Variants in PLCG2 observed in about 807,000 individuals in gnomAD.
PLCG2 encodes the protein phospholipase C gamma 2.
In PLCG2, 69 loss-of-function variants were observed where a neutral mutation model predicts 175.6. The ratio of observed to expected loss-of-function variants is 0.39; its 90% CI spans 0.32 to 0.48. PLCG2 has a LOEUF of 0.48. PLCG2 is among the 20% of genes least tolerant of loss of function. PLCG2 has a pLI of 0.91. For synonymous variants in PLCG2, 827 were observed against 624.0 expected, an observed-to-expected ratio of 1.33 and a Z score of -4.85; for missense variants, 1,798 against 1,650.9, an observed-to-expected ratio of 1.09 and a Z score of -1.54.
chr16:81,898,713 C>T (rs1909005399), intron 13 of PLCG2: 1 of 151,908 alleles, frequency 6.6e-6, no homozygotes, highest in African/African-American at 2.4e-5. Context: ...TCTTGGATAA[C>T]TGGGGAAATT....
intron 22 of PLCG2, among the ~76,000 whole-genome samples, chr16:81,926,846 A>G (rs968961499): frequency 6.6e-6 from 1 of 152,336 alleles, no homozygotes; most frequent in East Asian, 1.9e-4. Flanking sequence ...TTGATTAAAC[A>G]TTAAGATCAT....
intron 5 of PLCG2, among the ~76,000 whole-genome samples, chr16:81,864,126 C>A (rs951291777): frequency 6.6e-6 from 1 of 152,140 alleles, no homozygotes; most frequent in Non-Finnish European, 1.5e-5. Context: ...GCACCGGAAT[C>A]CCCTGGAGGA....
intron 5 of PLCG2, among the ~76,000 whole-genome samples, chr16:81,867,568 G>C (rs1032787810): frequency 6.6e-6 from 1 of 151,674 alleles, no homozygotes. Flanking sequence ...AGGTGAATGT[G>C]CATATAAGGC....
intron 9 of PLCG2, among the ~76,000 whole-genome samples, chr16:81,884,343 T>G (rs1555516141): frequency 6.6e-6 from 1 of 150,738 alleles, no homozygotes; most frequent in Non-Finnish European, 1.5e-5. Flanking sequence ...AGAGCAAGAC[T>G]CCGTCTCAGA....
At chr16:81,778,506 G>T (rs951708143), upstream of PLCG2, among the ~76,000 whole-genome samples, 2 of 152,204 alleles carry the variant, frequency 1.3e-5, no homozygotes, top group African/African-American at 4.8e-5. Context: ...GTTTGAATCA[G>T]ATAGCTTCAT....
rs187116990 is a variant in PLCG2, at chr16:81,912,678, G to A, written c.2016G>A (p.Arg672=). ...CCCGGGACGGGGCCTTCCTGATCCG[G>A]AAGCGAGAGGGGAGCGACTCCTATG... ...RIPRDGAFLI[R]KREGSDSYAI... The change falls in exon 19 of 33, where the codon CGG becomes CGA. Residue 672 remains arginine, a synonymous_variant. Coordinates refer to ENST00000564138, the MANE Select transcript of PLCG2 (RefSeq NM_002661.5). 1 of 1,612,576 alleles carries A rather than the reference G, an allele frequency of 6.2e-7. No individual in the cohort carries two copies. The highest frequency in any genetic ancestry group is 2.2e-5 in the East Asian group (1 of 44,848).
At chr16:81,877,985 T>C (rs1430500612) in intron 7 of PLCG2, among the ~76,000 whole-genome samples, 2 of 127,778 alleles carry the variant, frequency 1.6e-5, no homozygotes, top group African/African-American at 5.9e-5. Context: ...TTTTTTTTTT[T>C]TTTTTTTTTT....
At chr16:81,852,541 G>A (rs920304351) in intron 2 of PLCG2, among the ~76,000 whole-genome samples, 2 of 152,252 alleles carry the variant, frequency 1.3e-5, no homozygotes, top group African/African-American at 4.8e-5. Context: ...TCTTGTAGGG[G>A]GAAGGAGGAG....
intron 19 of PLCG2, among the ~76,000 whole-genome samples, chr16:81,914,627 C>G (rs1180474267): frequency 6.6e-6 from 1 of 152,164 alleles, no homozygotes; most frequent in Non-Finnish European, 1.5e-5. Context: ...TGTGCCGGGC[C>G]CTGTGCTGGG....
chr16:81,814,694 C>CA (rs1184638310), intron 2 of PLCG2, among the ~76,000 whole-genome samples: 98 of 150,362 alleles, frequency 6.5e-4, no homozygotes, highest in African/African-American at 2.3e-3. Context: ...GACTCTGTCT[C>CA]AAAAGAAAAA....
chr16:81,777,558 C>G (rs1910449645), upstream of PLCG2, among the ~76,000 whole-genome samples: 1 of 151,754 alleles, frequency 6.6e-6, no homozygotes, highest in African/African-American at 2.4e-5. Context: ...TCCAAGATCT[C>G]TTTAAAAAAT....
chr16:81,928,458 C>A, intron 23 of PLCG2, 100 bp from the exon 24 acceptor site: 4 of 775,072 alleles, frequency 5.2e-6, no homozygotes, highest in Non-Finnish European at 9.4e-6. Context: ...TTAAACAGTT[C>A]CACAGGCAGT....
chr16:81,787,000 A>G (rs1911000241), intron 2 of PLCG2, among the ~76,000 whole-genome samples: 1 of 152,034 alleles, frequency 6.6e-6, no homozygotes, highest in Non-Finnish European at 1.5e-5. Flanking sequence ...ACAATTGGGA[A>G]CTCTTGTACA....
intron 18 of PLCG2, among the ~76,000 whole-genome samples, chr16:81,911,437 G>A (rs1035566786): frequency 3.3e-5 from 5 of 152,054 alleles, no homozygotes; most frequent in African/African-American, 1.2e-4. Flanking sequence ...TTGGGTGGAT[G>A]AAGATGAATC....
chr16:81,832,653 C>G (rs1394338373), intron 2 of PLCG2, among the ~76,000 whole-genome samples: 1 of 152,260 alleles, frequency 6.6e-6, no homozygotes, highest in Non-Finnish European at 1.5e-5. Flanking sequence ...ATTCTCCTGC[C>G]TCAGCCTCCC....
chr16:81,943,545 C>T (rs1190075034), intron 30 of PLCG2, among the ~76,000 whole-genome samples: 1 of 152,150 alleles, frequency 6.6e-6, no homozygotes, highest in African/African-American at 2.4e-5. Flanking sequence ...TGGGTGGGGA[C>T]ACAGAGCCAA....
intron 2 of PLCG2, among the ~76,000 whole-genome samples, chr16:81,772,478 C>T (rs887128647): frequency 6.6e-5 from 10 of 151,774 alleles, no homozygotes; most frequent in South Asian, 2.1e-4. Context: ...AGGTAAGACA[C>T]GGGGCCTGGT....
intron 2 of PLCG2, among the ~76,000 whole-genome samples, chr16:81,812,186 A>G (rs547519674): frequency 4.6e-5 from 7 of 151,474 alleles, no homozygotes; most frequent in African/African-American, 1.7e-4. Flanking sequence ...AGTAGCTGGG[A>G]CTACAGGCAC....
intron 30 of PLCG2, among the ~76,000 whole-genome samples, chr16:81,941,060 A>G (rs569588401): frequency 6.0e-4 from 91 of 152,380 alleles, no homozygotes; most frequent in African/African-American, 2.0e-3. Context: ...TACATAAAAA[A>G]ATACAGTCTT....
Sources: gnomAD v4.1 joint callset for allele counts (sites outside exome capture counted in the v4.1 genomes callset) on GRCh38, gnomAD v4.1.1 for gene constraint, MANE v1.5 for transcripts, NCBI Gene and HGNC (gene_info 2026-07-23, HGNC 2026-07-21) for gene names.